SNX18: variants seen among roughly 807,000 people sequenced by gnomAD.
The protein encoded by SNX18 is sorting nexin-18.
Under a neutral mutation model 48.7 loss-of-function variants are expected in SNX18, and 35 were observed. That is an observed-to-expected ratio of 0.72 (90% CI 0.55 to 0.95). SNX18 has a LOEUF of 0.95. Ranked by LOEUF, SNX18 falls within the 40% of genes least tolerant of loss-of-function variation. The pLI is 0.00. For synonymous variants in SNX18, 492 were observed against 384.7 expected (o/e 1.28, Z -3.26); for missense variants, 824 against 871.0 (o/e 0.95, Z 0.68).
Position 54,517,935 on chromosome 5 carries a change from A to G in SNX18, c.-18A>G, listed in dbSNP as rs1233526410. ...CGGGACGCCGGGAGTCGGGACCGCCAGTCGGGGCGCCGGGACCATGGCGCT... is the reference window on the plus strand; with the variant it reads ...CGGGACGCCGGGAGTCGGGACCGCCGGTCGGGGCGCCGGGACCATGGCGCT... On this transcript the variant is annotated 5_prime_UTR_variant, in exon 1 of 2. Coordinates refer to ENST00000381410, the MANE Select transcript of SNX18 (RefSeq NM_001102575.2). The G allele has an allele frequency of 4.7e-6, 7 of 1,495,738 alleles. No homozygotes were observed. Among genetic ancestry groups the G allele is most frequent in the African/African-American group, 1.5e-5 (1 of 68,548 alleles). The allele number at this position is 1,495,738 out of a possible 1,614,324, so 92.7% of individuals were successfully genotyped here.
At chr5:54,647,378 G>C in the SNX18 span, among the ~76,000 whole-genome samples, 99,383 of 152,126 alleles carry the variant, frequency 0.65, 32,689 homozygotes, top group East Asian at 0.72. Flanking sequence ...CACCACACCT[G>C]ACCCAGGAGA....
chr5:54,555,131 A>G, the SNX18 span, among the ~76,000 whole-genome samples: 1 of 152,306 alleles, frequency 6.6e-6, no homozygotes, highest in South Asian at 2.1e-4. Context: ...TGTCTGGCTG[A>G]ATCCTACTCC....
At chr5:54,636,258 G>A in the SNX18 span, among the ~76,000 whole-genome samples, 1 of 152,146 alleles carries the variant, frequency 6.6e-6, no homozygotes, top group Non-Finnish European at 1.5e-5. Context: ...GAACGGGGAT[G>A]AGGCCCTCTA....
the SNX18 span, among the ~76,000 whole-genome samples, chr5:54,553,181 T>G: frequency 1.3e-5 from 2 of 152,080 alleles, no homozygotes; most frequent in Non-Finnish European, 2.9e-5. Context: ...TTTCTCTGAA[T>G]GAGATGTGGG....
the SNX18 span, among the ~76,000 whole-genome samples, chr5:54,569,951 T>TA: frequency 0.025 from 3,826 of 152,250 alleles, 150 homozygotes; most frequent in African/African-American, 0.088. Flanking sequence ...TTTTATTTTT[T>TA]TATATATATA....
At chr5:54,575,946 A>G in the SNX18 span, among the ~76,000 whole-genome samples, 2 of 152,236 alleles carry the variant, frequency 1.3e-5, no homozygotes, top group Non-Finnish European at 2.9e-5. Context: ...TAAAAGGCAT[A>G]CAAGCATTCT....
chr5:54,608,129 C>T, the SNX18 span, among the ~76,000 whole-genome samples: 1 of 152,110 alleles, frequency 6.6e-6, no homozygotes, highest in Non-Finnish European at 1.5e-5. Context: ...ATTTTGTGTT[C>T]CTATCAGCAA....
the SNX18 span, among the ~76,000 whole-genome samples, chr5:54,631,195 T>G: frequency 6.6e-6 from 1 of 152,198 alleles, no homozygotes; most frequent in Non-Finnish European, 1.5e-5. Flanking sequence ...CAGCCAAAAC[T>G]AACAGCCGGA....
chr5:54,604,704 G>A, the SNX18 span, among the ~76,000 whole-genome samples: 1 of 152,140 alleles, frequency 6.6e-6, no homozygotes, highest in Non-Finnish European at 1.5e-5. Flanking sequence ...TGATGGTTGT[G>A]CAACATTGTA....
At chr5:54,638,133 C>G in the SNX18 span, among the ~76,000 whole-genome samples, 1 of 152,244 alleles carries the variant, frequency 6.6e-6, no homozygotes, top group Non-Finnish European at 1.5e-5. Context: ...TCTAACTCTA[C>G]ATGAAGCTTT....
the SNX18 span, among the ~76,000 whole-genome samples, chr5:54,635,629 T>C: frequency 6.6e-6 from 1 of 152,196 alleles, no homozygotes; most frequent in Non-Finnish European, 1.5e-5. Context: ...TGGCCGTCTA[T>C]GGGCTGGAGG....
the SNX18 span, among the ~76,000 whole-genome samples, chr5:54,638,102 G>C: frequency 0.089 from 13,571 of 152,112 alleles, 690 homozygotes; most frequent in African/African-American, 0.1. Flanking sequence ...ATTCCTTTTG[G>C]AATTCATTCC....
the SNX18 span, among the ~76,000 whole-genome samples, chr5:54,578,271 G>A: frequency 6.3e-4 from 96 of 152,310 alleles, no homozygotes; most frequent in African/African-American, 2.0e-3. Flanking sequence ...TACCTCTGGC[G>A]AACAGAGAAG....
rs1554020681 is a variant in SNX18, at chr5:54,544,634, A to AGC, written c.*1203_*1204dup. Reference sequence around the variant, plus strand: ...TTTAAAAAAAAAAAAGGTATTGATGAGCCCCCCCCCCCCAGGACATTTAAC... The same window carrying AGC: ...TTTAAAAAAAAAAAAGGTATTGATGAGCGCCCCCCCCCCCCAGGACATTTAAC... On this transcript the variant is annotated 3_prime_UTR_variant, in exon 2 of 2. Transcript: ENST00000381410. 6.6e-5 allele frequency: 3 copies of AGC among 45,204 alleles called. No homozygotes were observed. The highest frequency in any genetic ancestry group is 2.0e-4 in the Admixed American group (1 of 5,118). The allele number at this position is 45,204 out of a possible 1,614,324, so 2.8% of individuals were successfully genotyped here.
At chr5:54,579,428 T>C in the SNX18 span, among the ~76,000 whole-genome samples, 5 of 152,142 alleles carry the variant, frequency 3.3e-5, no homozygotes, top group Admixed American at 2.6e-4. Flanking sequence ...TTTTAGCCAA[T>C]AATTATATTA....
the SNX18 span, among the ~76,000 whole-genome samples, chr5:54,633,813 T>C: frequency 5.1e-4 from 78 of 152,318 alleles, no homozygotes; most frequent in Middle Eastern, 0.01. Flanking sequence ...TAGTAAGCCA[T>C]GTTCTTTTAG....
At chr5:54,550,626 C>T (rs1018515990), downstream of SNX18, among the ~76,000 whole-genome samples, 4 of 152,164 alleles carry the variant, frequency 2.6e-5, no homozygotes, top group African/African-American at 9.7e-5. Flanking sequence ...GTCTGTCGCC[C>T]AGGCTGGAGT....
At chr5:54,633,825 G>A in the SNX18 span, among the ~76,000 whole-genome samples, 1 of 152,196 alleles carries the variant, frequency 6.6e-6, no homozygotes, top group Non-Finnish European at 1.5e-5. Flanking sequence ...TTCTTTTAGA[G>A]TCAACACATT....
chr5:54,550,112 A>C (rs1762628669), downstream of SNX18, among the ~76,000 whole-genome samples: 1 of 152,196 alleles, frequency 6.6e-6, no homozygotes, highest in African/African-American at 2.4e-5. Flanking sequence ...TCACTTTTTA[A>C]AAAATTACTT....
Sources: gnomAD v4.1 joint callset for allele counts (sites outside exome capture counted in the v4.1 genomes callset) on GRCh38, gnomAD v4.1.1 for gene constraint, MANE v1.5 for transcripts, NCBI Gene and HGNC (gene_info 2026-07-23, HGNC 2026-07-21) for gene names.